ZNF286A: variants seen among roughly 807,000 people sequenced by gnomAD.
ZNF286A encodes zinc finger protein ZNF286.
A neutral mutation model predicts 49.3 loss-of-function variants in ZNF286A; 34 were observed. That is an observed-to-expected ratio of 0.69 (90% CI 0.52 to 0.92). The LOEUF is 0.92. Among genes scored for constraint, ZNF286A ranks in the 40% least tolerant of loss-of-function variants. The pLI, the probability that ZNF286A is intolerant of heterozygous loss-of-function variation, is 0.00. For synonymous variants in ZNF286A, 155 were observed against 200.4 expected, an observed-to-expected ratio of 0.77 and a Z score of 1.91; for missense variants, 462 against 600.2, an observed-to-expected ratio of 0.77 and a Z score of 2.41.
rs1053495141 is a variant in ZNF286A, at chr17:15,711,061, G to A, written c.334+2814G>A. Among the ~76,000 whole-genome samples the A allele has an allele frequency of 2.0e-4, 30 of 151,804 alleles. 2 individuals are homozygous for A. Among genetic ancestry groups the A allele is most frequent in the East Asian group, 1.9e-4 (1 of 5,180 alleles). On this transcript the variant is annotated intron_variant, in intron 5 of 5. Coordinates refer to ENST00000583566, the MANE Select transcript of ZNF286A (RefSeq NM_001130842.2). ...CGAGTAGCTGGGATTACAGGCATACGCCACCAAACCCGGCTAATTTTTTTT... is the reference window on the plus strand; with the variant it reads ...CGAGTAGCTGGGATTACAGGCATACACCACCAAACCCGGCTAATTTTTTTT...
At chr17:15,711,935 G>T (rs1320522516) in intron 5 of ZNF286A, among the ~76,000 whole-genome samples, 78 of 139,656 alleles carry the variant, frequency 5.6e-4, no homozygotes, top group Non-Finnish European at 1.0e-3. Flanking sequence ...GCAGTGGTGC[G>T]ATCTTGGCTC....
At chr17:15,704,208 C>T in intron 3 of ZNF286A, 1 of 1,542,600 alleles carries the variant, frequency 6.5e-7, no homozygotes. Flanking sequence ...GTTGGGGTCA[C>T]GGTGGAAGGA....
rs766709812 is a variant in ZNF286A, at chr17:15,708,155, G to A, written c.242G>A (p.Trp81Ter). ...LENYRNLVSL[W>*]LPVSKPESYN... Reference sequence around the variant, plus strand: ...TCTTTTTCTTTTTTTAAATGAATAGGGCTTCCAGTTTCCAAACCTGAGAGC... The same window carrying A: ...TCTTTTTCTTTTTTTAAATGAATAGAGCTTCCAGTTTCCAAACCTGAGAGC... Residue 81 changes from tryptophan (W) to a stop codon, truncating the protein, a stop_gained and splice_region_variant, in exon 5 of 6, where the codon TGG becomes TAG. Coordinates refer to ENST00000583566, the MANE Select transcript of ZNF286A (RefSeq NM_001130842.2). LOFTEE classifies it high-confidence loss of function. 2 of 1,568,910 alleles carry A rather than the reference G, an allele frequency of 1.3e-6. No homozygotes were observed. The highest frequency in any genetic ancestry group is 1.7e-4 in the Middle Eastern group (1 of 5,854).
At chr17:15,709,227 C>A (rs991618438) in intron 5 of ZNF286A, among the ~76,000 whole-genome samples, 1 of 149,440 alleles carries the variant, frequency 6.7e-6, no homozygotes, top group Non-Finnish European at 1.5e-5. Context: ...TGGTGACTCA[C>A]GCCTGTAATC....
At position 15,717,978 on chromosome 17, in the gene ZNF286A, G is replaced by A. The variant is rs1045322439; in HGVS notation, c.*688G>A. On this transcript the variant is annotated 3_prime_UTR_variant, in exon 6 of 6. Transcript: ENST00000583566. ...AGACAGAGTCTTGCTCTGTTGCCCGGGCTGGAGTGCAGTGGCGCGATCTCG... is the reference window on the plus strand; with the variant it reads ...AGACAGAGTCTTGCTCTGTTGCCCGAGCTGGAGTGCAGTGGCGCGATCTCG... The A allele has an allele frequency of 7.2e-6, 1 of 138,898 alleles. No individual in the cohort carries two copies. Among genetic ancestry groups the A allele is most frequent in the Non-Finnish European group, 1.5e-5 (1 of 66,664 alleles). The allele number at this position is 138,898 out of a possible 1,614,324, so 8.6% of individuals were successfully genotyped here.
At position 15,701,166 on chromosome 17, in the gene ZNF286A, G is replaced by T. The variant is rs548781267; in HGVS notation, c.52G>T (p.Asp18Tyr). The change falls in exon 3 of 6, where the codon GAT (aspartate) becomes TAT (tyrosine). Residue 18 changes from aspartate to tyrosine, a missense_variant. Coordinates refer to ENST00000583566, the MANE Select transcript of ZNF286A (RefSeq NM_001130842.2). Reference sequence around the variant, plus strand: ...CTTGTCGTTAGCTCTGTCTTCCCAGGATTCTCCCCATTTCCAAGAGAAGAG... The same window carrying T: ...CTTGTCGTTAGCTCTGTCTTCCCAGTATTCTCCCCATTTCCAAGAGAAGAG... ...MPEKGALSSQ[D>Y]SPHFQEKSTE... 5 of 1,613,970 alleles carry T rather than the reference G, an allele frequency of 3.1e-6. No individual in the cohort carries two copies. The Admixed American group carries it at 8.3e-5, about 27-fold the overall frequency.
At chr17:15,709,096 CAACACTT>C in intron 5 of ZNF286A, among the ~76,000 whole-genome samples, 1 of 152,158 alleles carries the variant, frequency 6.6e-6, no homozygotes, top group East Asian at 1.9e-4. Context: ...ACATGCTTGT[CAACACTT>C]AATATTGCTT....
chr17:15,707,195 C>T (rs1360289001), intron 4 of ZNF286A, among the ~76,000 whole-genome samples: 1 of 151,992 alleles, frequency 6.6e-6, no homozygotes, highest in Non-Finnish European at 1.5e-5. Context: ...AATCCCAGCA[C>T]TTTGGGAGGC....
intron 4 of ZNF286A, among the ~76,000 whole-genome samples, chr17:15,707,921 T>C (rs1367212988): frequency 1.3e-5 from 2 of 151,964 alleles, no homozygotes; most frequent in African/African-American, 4.8e-5. Flanking sequence ...GAGGCAGAGG[T>C]GGGAGGATAG....
In ZNF286A at chr17:15,719,893, A is replaced by G. The variant is rs1967288148; in HGVS notation, c.*2603A>G. On this transcript the variant is annotated 3_prime_UTR_variant, in exon 6 of 6. Coordinates refer to ENST00000583566, the MANE Select transcript of ZNF286A (RefSeq NM_001130842.2). Reference sequence around the variant, plus strand: ...AGAGATAATTGGGGACAGAAAAATAAAAGAGATGGGAAATGCTGCATCAAA... The same window carrying G: ...AGAGATAATTGGGGACAGAAAAATAGAAGAGATGGGAAATGCTGCATCAAA... The G allele has an allele frequency of 6.6e-6, 1 of 152,214 alleles. No homozygotes were observed. The highest frequency in any genetic ancestry group is 6.5e-5 in the Admixed American group (1 of 15,278). The allele number at this position is 152,214 out of a possible 1,614,324, so 9.4% of individuals were successfully genotyped here. A position where few individuals can be genotyped will look rare whatever the true frequency, so the allele number is the denominator to read the frequency against.
chr17:15,704,992 G>T (rs1221423732), intron 3 of ZNF286A: 8 of 975,000 alleles, frequency 8.2e-6, no homozygotes, highest in Non-Finnish European at 7.1e-6. Context: ...CTGCCGCTGC[G>T]GCCCTGGAGA....
In ZNF286A at chr17:15,719,741, A is replaced by G. The variant is rs1447993694; in HGVS notation, c.*2451A>G. On this transcript the variant is annotated 3_prime_UTR_variant, in exon 6 of 6. Coordinates refer to ENST00000583566, the MANE Select transcript of ZNF286A (RefSeq NM_001130842.2). ...CCATAGTAGGTTGTATGTCCCTGAA[A>G]GCCTAAAATATTTACTGTTTGGCTC... 3 of 152,194 alleles carry G rather than the reference A, an allele frequency of 2.0e-5. No homozygotes were observed. The highest frequency in any genetic ancestry group is 6.5e-5 in the Admixed American group (1 of 15,278). 9.4% of individuals were successfully genotyped at this position (152,194 alleles called of 1,614,324 possible).
At position 15,716,955 on chromosome 17, in the gene ZNF286A, G is replaced by C; in HGVS notation, c.1231G>C (p.Glu411Gln). 6.2e-7 allele frequency: 1 copy of C among 1,611,150 alleles called. No individual in the cohort carries two copies. Among genetic ancestry groups the C allele is most frequent in the South Asian group, 1.1e-5 (1 of 90,908 alleles). The stretch of plus-strand genomic sequence containing the variant: ...AGTTCATACTGGAGAAAAGCCATAT[G>C]AATGCAGTGAATGTGGAAAAACTTT... Reference protein sequence around the residue: ...QRVHTGEKPYECSECGKTFSQ... With the variant: ...QRVHTGEKPYQCSECGKTFSQ... The change falls in exon 6 of 6, where the codon GAA becomes CAA. Residue 411 changes from glutamate (E) to glutamine (Q), a missense_variant. By Grantham distance (29) the Glu-to-Gln change is conservative (BLOSUM62 2). Coordinates refer to ENST00000583566, the MANE Select transcript of ZNF286A (RefSeq NM_001130842.2).
At chr17:15,710,437 A>G (rs2601956) in intron 5 of ZNF286A, among the ~76,000 whole-genome samples, 1 of 152,096 alleles carries the variant, frequency 6.6e-6, no homozygotes, top group Non-Finnish European at 1.5e-5. Flanking sequence ...GTCTTTTTCC[A>G]TGCTGAAAGC....
chr17:15,709,417 A>T (rs576649569), intron 5 of ZNF286A, among the ~76,000 whole-genome samples: 2 of 151,806 alleles, frequency 1.3e-5, no homozygotes, highest in Non-Finnish European at 2.9e-5. Context: ...GCTTGAACCC[A>T]GGAGGCAGAG....
intron 5 of ZNF286A, chr17:15,711,349 T>C (rs1353281811): frequency 6.6e-6 from 1 of 152,264 alleles, no homozygotes; most frequent in Non-Finnish European, 1.5e-5. Flanking sequence ...AGATTCTTAA[T>C]CCATTTGGAA....
Position 15,706,417 on chromosome 17 carries a change from G to A in ZNF286A, c.157G>A (p.Asp53Asn). The A allele has an allele frequency of 6.2e-7, 1 of 1,614,062 alleles. No homozygotes were observed. The highest frequency in any genetic ancestry group is 8.5e-7 in the Non-Finnish European group (1 of 1,179,986). ...AGTGACATTCAAGGATGTGGCCATG[G>A]ACTTTACACCAGAGGAGTGGGGGAA... is the stretch of plus-strand genomic sequence containing the variant. Reference protein sequence around the residue: ...ETVTFKDVAMDFTPEEWGKLD... With the variant: ...ETVTFKDVAMNFTPEEWGKLD... The change falls in exon 4 of 6, where the codon GAC becomes AAC. Residue 53 changes from aspartate to asparagine, a missense_variant. Coordinates refer to ENST00000583566, the MANE Select transcript of ZNF286A (RefSeq NM_001130842.2).
Position 15,716,545 on chromosome 17 carries a change from A to G in ZNF286A, c.821A>G (p.Asn274Ser), listed in dbSNP as rs1967068574. 4 of 1,613,988 alleles carry G rather than the reference A, an allele frequency of 2.5e-6. No individual in the cohort carries two copies. The highest frequency in any genetic ancestry group is 1.1e-5 in the South Asian group (1 of 91,090). ...ACTGGAGAGAAACCCTATACCTGCA[A>G]TGAATGTGGGAAATCTTTTAGCCAC... ...VHTGEKPYTC[N>S]ECGKSFSHRA... Residue 274 changes from asparagine to serine, a missense_variant, in exon 6 of 6, where the codon AAT (asparagine) becomes AGT (serine). Physicochemically the swap from Asn to Ser is conservative, Grantham distance 46. Coordinates refer to ENST00000583566, the MANE Select transcript of ZNF286A (RefSeq NM_001130842.2).
rs761044367 is a variant in ZNF286A at position 15,716,096 on chromosome 17, A to C, written c.372A>C (p.Ser124=). Residue 124 remains serine, a synonymous_variant, in exon 6 of 6, where the codon TCA becomes TCC. Transcript: ENST00000583566. ...GACCACAGAGCAAGGATTCAACTTC[A>C]GTGCAAGATTTTTCCAAAGCAGAAT... ...ETRPQSKDST[S]VQDFSKAESC... is the part of the protein sequence containing the mutation. The C allele has an allele frequency of 2.5e-6, 4 of 1,613,898 alleles. No individual in the cohort carries two copies. The highest frequency in any genetic ancestry group is 3.4e-6 in the Non-Finnish European group (4 of 1,179,822).
Sources: allele counts gnomAD v4.1 joint callset (sites outside exome capture counted in the v4.1 genomes callset), GRCh38; gene constraint gnomAD v4.1.1; transcripts MANE v1.5; gene names NCBI Gene and HGNC (gene_info 2026-07-23, HGNC 2026-07-21).